Variants in CCDC32 observed in about 807,000 individuals in gnomAD.
CCDC32 encodes the protein coiled-coil domain-containing protein 32.
CCDC32 carries 9 observed loss-of-function variants against 20.1 expected under a neutral mutation model. The ratio of observed to expected loss-of-function variants is 0.45; its 90% confidence interval spans 0.27 to 0.78. The LOEUF is 0.78. Among genes scored for constraint, CCDC32 ranks in the 30% least tolerant of loss-of-function variants. The pLI, the probability that CCDC32 is intolerant of heterozygous loss-of-function variation, is 0.16. For synonymous variants in CCDC32, 63 were observed against 79.0 expected (o/e 0.80, Z 1.07); for missense variants, 204 against 215.5 (o/e 0.95, Z 0.33).
At chr15:40,539,045 T>C (rs1056340403), downstream of CCDC32, 1 of 592,138 alleles carries the variant, frequency 1.7e-6, no homozygotes, top group Non-Finnish European at 3.0e-6. Context: ...GTCTCTCTCT[T>C]GGCTCTCTCG....
downstream of CCDC32, among the ~76,000 whole-genome samples, chr15:40,549,828 C>G (rs1412129528): frequency 6.6e-6 from 1 of 152,178 alleles, no homozygotes; most frequent in Non-Finnish European, 1.5e-5. Flanking sequence ...TTAGAATTTT[C>G]AAGAAAACCT....
intron 3 of CCDC32, chr15:40,556,487 A>G (rs1890243346): frequency 6.6e-6 from 1 of 152,360 alleles, no homozygotes; most frequent in South Asian, 2.1e-4. Context: ...TGGATGCTTA[A>G]TAAATTCATT....
intron 3 of CCDC32, among the ~76,000 whole-genome samples, chr15:40,541,908 C>A (rs1443507971): frequency 6.6e-6 from 1 of 152,246 alleles, no homozygotes; most frequent in Admixed American, 6.5e-5. Flanking sequence ...CCTCTGACCA[C>A]TGACTGGTAG....
At chr15:40,553,066 G>A, downstream of CCDC32, 1 of 959,134 alleles carries the variant, frequency 1.0e-6, no homozygotes, top group South Asian at 4.8e-5. Context: ...CCTTCCAGGA[G>A]CAATCGAGTC....
At chr15:40,554,165 C>T (rs762280342) in intron 3 of CCDC32, 38 bp from the exon 4 acceptor site, 2 of 1,581,148 alleles carry the variant, frequency 1.3e-6, no homozygotes, top group South Asian at 2.2e-5. Flanking sequence ...CTGTGTCAGA[C>T]CTCACTGATT....
At chr15:40,541,917 A>G (rs1357611065) in intron 3 of CCDC32, among the ~76,000 whole-genome samples, 1 of 152,236 alleles carries the variant, frequency 6.6e-6, no homozygotes, top group Non-Finnish European at 1.5e-5. Flanking sequence ...ACTGACTGGT[A>G]GGTGATCAGG....
exon 4 of CCDC32, chr15:40,528,693 A>G: frequency 1.5e-6 from 1 of 682,536 alleles, no homozygotes; most frequent in East Asian, 2.7e-5. Flanking sequence ...AGTTGATTAT[A>G]TGGGTGCAGG....
At chr15:40,532,408 G>A, downstream of CCDC32, 1 of 665,468 alleles carries the variant, frequency 1.5e-6, no homozygotes, top group Non-Finnish European at 2.8e-6. Context: ...TCTTACTGCT[G>A]CTACTGCCAT....
downstream of CCDC32, among the ~76,000 whole-genome samples, chr15:40,530,530 C>CT (rs1555413329): frequency 3.4e-5 from 5 of 145,664 alleles, no homozygotes; most frequent in African/African-American, 1.2e-4. Flanking sequence ...CCTGGCACCT[C>CT]CTCTCTCTCT....
At chr15:40,525,036 CT>C (rs531563256), downstream of CCDC32, among the ~76,000 whole-genome samples, 140 of 140,514 alleles carry the variant, frequency 1.0e-3, no homozygotes, top group Non-Finnish European at 9.2e-4. Context: ...CCAAGCTGTT[CT>C]TTTTTTTTTT....
rs142032150 is a variant in CCDC32, at chr15:40,556,344, C to T, written c.401+872G>A. Among the ~76,000 whole-genome samples, 6 of 152,280 alleles carry T rather than the reference C, an allele frequency of 3.9e-5. No individual in the cohort carries two copies. The East Asian group carries it at 1.2e-3, about 29-fold the overall frequency. On this transcript the variant is annotated intron_variant, in intron 3 of 3. Transcript: ENST00000416810. ...TCAACTGGCCCTTCTCTTATTAATG[C>T]CTGGTATTGTTAGGTATGTCTTTAT...
rs572668267 is a variant in CCDC32 at position 40,563,179 on chromosome 15, A to T, written c.-12-152T>A. On this transcript the variant is annotated intron_variant, in intron 1 of 3. Coordinates refer to ENST00000416810, the MANE Select transcript of CCDC32 (RefSeq NM_001080792.4). Reference sequence around the variant, plus strand: ...GCAGTTCGAGACCAGCCTGGGAAACATGGCAAAATCCCATCTCTACTAAAA... The same window carrying T: ...GCAGTTCGAGACCAGCCTGGGAAACTTGGCAAAATCCCATCTCTACTAAAA... 6.5e-5 allele frequency: 62 copies of T among 947,000 alleles called. 1 individual carries two copies. In the African/African-American group the frequency reaches 1.0e-3, roughly 16 times the overall value. 58.7% of individuals were successfully genotyped at this position (947,000 alleles called of 1,614,324 possible).
At chr15:40,561,086 A>G (rs981188162) in intron 2 of CCDC32, among the ~76,000 whole-genome samples, 1 of 152,238 alleles carries the variant, frequency 6.6e-6, no homozygotes, top group Non-Finnish European at 1.5e-5. Context: ...GGAGGCCATT[A>G]TCCTCTAAGT....
chr15:40,540,816 T>C (rs540417939), intron 3 of CCDC32, among the ~76,000 whole-genome samples: 3 of 152,150 alleles, frequency 2.0e-5, no homozygotes, highest in Non-Finnish European at 4.4e-5. Context: ...AGCTCACATA[T>C]GAGTGTTGAA....
chr15:40,535,015 C>T (rs780267751), downstream of CCDC32: 8 of 705,656 alleles, frequency 1.1e-5, no homozygotes, highest in African/African-American at 1.7e-5. Flanking sequence ...CCATGCCTGC[C>T]GTGATGGAAG....
At chr15:40,528,907 T>G (rs988526331) in intron 3 of CCDC32, 2 of 630,708 alleles carry the variant, frequency 3.2e-6, no homozygotes, top group Admixed American at 5.6e-5. Flanking sequence ...TAACCACCTC[T>G]GGCTCCAGCA....
chr15:40,524,442 C>G (rs1207052843), downstream of CCDC32, among the ~76,000 whole-genome samples: 1 of 151,600 alleles, frequency 6.6e-6, no homozygotes, highest in Non-Finnish European at 1.5e-5. Context: ...CAGGCCTGAG[C>G]CACCGCGCCC....
the CCDC32 span, among the ~76,000 whole-genome samples, chr15:40,521,874 T>C: frequency 2.0e-5 from 3 of 152,218 alleles, no homozygotes; most frequent in South Asian, 2.1e-4. Flanking sequence ...TTATCAGATA[T>C]CTGATTTGCA....
downstream of CCDC32, among the ~76,000 whole-genome samples, chr15:40,524,316 C>T (rs1894871562): frequency 6.6e-6 from 1 of 151,850 alleles, no homozygotes; most frequent in Non-Finnish European, 1.5e-5. Flanking sequence ...GCCACCACGC[C>T]CAGCTAATTT....
Sources: gnomAD v4.1 joint callset for allele counts (sites outside exome capture counted in the v4.1 genomes callset) on GRCh38, gnomAD v4.1.1 for gene constraint, MANE v1.5 for transcripts, NCBI Gene and HGNC (gene_info 2026-07-23, HGNC 2026-07-21) for gene names.